REPS1: variants seen among roughly 807,000 people sequenced by gnomAD.
The protein encoded by REPS1 is RALBP1 associated Eps domain containing 1.
REPS1 carries 39 observed loss-of-function variants against 100.9 expected under a neutral mutation model. That is an observed-to-expected ratio of 0.39 (90% CI 0.30 to 0.50). REPS1 has a LOEUF of 0.50. Ranked by LOEUF, REPS1 falls within the 20% of genes least tolerant of loss-of-function variation. The pLI, the probability that REPS1 is intolerant of heterozygous loss-of-function variation, is 0.86. For missense variants in REPS1, 821 were observed against 968.5 expected, an observed-to-expected ratio of 0.85 and a Z score of 2.02; for synonymous variants, 324 against 340.3, an observed-to-expected ratio of 0.95 and a Z score of 0.53.
At chr6:138,920,409 C>A in intron 11 of REPS1, 93 bp from the exon 12 acceptor site, 3 of 536,340 alleles carry the variant, frequency 5.6e-6, no homozygotes, top group South Asian at 3.8e-5. Context: ...TTTAAATATC[C>A]AAAGAAGTGG....
chr6:138,965,965 CA>C (rs1244193745), intron 1 of REPS1, among the ~76,000 whole-genome samples: 2 of 152,118 alleles, frequency 1.3e-5, no homozygotes, highest in Non-Finnish European at 2.9e-5. Context: ...TCATTTTAAG[CA>C]CTTTATAGCT....
At position 138,908,725 on chromosome 6, in the gene REPS1, T is replaced by A; in HGVS notation, c.2159A>T (p.His720Leu). The part of the protein sequence containing the change: ...EDELRPEVDE[H>L]TQKTGVLAAV... Reference sequence around the variant, plus strand: ...AGCTAAGACACCCGTCTTTTGTGTATGTTCATCAACTTCTGGCCTTAATTC... The same window carrying A: ...AGCTAAGACACCCGTCTTTTGTGTAAGTTCATCAACTTCTGGCCTTAATTC... The change falls in exon 18 of 20, where the codon CAT becomes CTT. Residue 720 changes from histidine to leucine, a missense_variant. This residue lies in a region of REPS1 where 757 missense variants were observed against 866.4 expected (regional missense o/e 0.87). Transcript: ENST00000450536. 1 of 1,614,220 alleles carries A rather than the reference T, an allele frequency of 6.2e-7. No homozygotes were observed.
In REPS1 at chr6:138,918,836, T is replaced by C. The variant is rs76224597; in HGVS notation, c.1529-1209A>G. 1.4e-4 allele frequency among the ~76,000 whole-genome samples: 22 copies of C among 152,264 alleles called. No homozygotes were observed. The East Asian group carries it at 4.2e-3, about 29-fold the overall frequency. ...GCACAAGAGAATCCCAGAAATAGAC[T>C]AAGAGTTGTGACAGAAAAAAGAAAT... On this transcript the variant is annotated intron_variant, in intron 12 of 19. Coordinates refer to ENST00000450536, the MANE Select transcript of REPS1 (RefSeq NM_001286611.2).
intron 8 of REPS1, among the ~76,000 whole-genome samples, chr6:138,936,593 G>A (rs190486849): frequency 2.1e-5 from 3 of 141,996 alleles, no homozygotes; most frequent in Non-Finnish European, 3.1e-5. Context: ...GCAGGGTGGG[G>A]GGGGAGACAG....
At chr6:138,908,640 A>C (rs1190579385) in intron 18 of REPS1, 28 bp downstream of exon 18, 1 of 1,610,654 alleles carries the variant, frequency 6.2e-7, no homozygotes, top group African/African-American at 1.3e-5. Context: ...CCTAGTAATT[A>C]AATGTGTCTA....
intron 1 of REPS1, among the ~76,000 whole-genome samples, chr6:138,977,787 A>C (rs1784680801): frequency 6.6e-6 from 1 of 152,218 alleles, no homozygotes; most frequent in Admixed American, 6.5e-5. Context: ...GCTGGTTGCT[A>C]TGGCAAATTT....
rs201234978 is a variant in REPS1, at chr6:138,931,537, TC to T, written c.1136-1440del. Reference sequence around the variant, plus strand: ...AATTATACCACATTGCAAGTTCTAATCTGCAGTCCAGAATTGTATTCTGATT... The same window carrying T: ...AATTATACCACATTGCAAGTTCTAATTGCAGTCCAGAATTGTATTCTGATT... On this transcript the variant is annotated intron_variant, in intron 8 of 19. Coordinates refer to ENST00000450536, the MANE Select transcript of REPS1 (RefSeq NM_001286611.2). Among the ~76,000 whole-genome samples, 15 of 152,324 alleles carry T rather than the reference TC, an allele frequency of 9.8e-5. No homozygotes were observed. The East Asian group carries it at 2.5e-3, about 25-fold the overall frequency.
chr6:138,952,149 T>A (rs551732836), intron 1 of REPS1, among the ~76,000 whole-genome samples: 1 of 152,118 alleles, frequency 6.6e-6, no homozygotes, highest in Non-Finnish European at 1.5e-5. Flanking sequence ...GTTAAGGATA[T>A]AGAATTTAAA....
chr6:138,926,530 A>G (rs1781137367), intron 9 of REPS1, 49 bp from the exon 10 acceptor site: 2 of 1,292,016 alleles, frequency 1.5e-6, no homozygotes, highest in Non-Finnish European at 2.2e-6. Flanking sequence ...AAGATGGAGT[A>G]AAAGATCACT....
rs373157096 is a variant in REPS1, at chr6:138,932,767, G to A, written c.1136-2669C>T. Among the ~76,000 whole-genome samples, 7 of 152,266 alleles carry A rather than the reference G, an allele frequency of 4.6e-5. 1 individual carries two copies. The highest frequency in any genetic ancestry group is 7.2e-5 in the African/African-American group (3 of 41,552). On this transcript the variant is annotated intron_variant, in intron 8 of 19. Transcript: ENST00000450536. ...ATAATAATTCGGACTTGGGTATCGC[G>A]CGGGCATTTTTTCAAAAATGAACAA...
chr6:138,922,868 T>G (rs560431838), intron 10 of REPS1, among the ~76,000 whole-genome samples: 1 of 152,364 alleles, frequency 6.6e-6, no homozygotes, highest in African/African-American at 2.4e-5. Flanking sequence ...ACCAAGCCCT[T>G]GCTAGAGAAA....
At chr6:138,913,727 C>A (rs543363272) in intron 15 of REPS1, among the ~76,000 whole-genome samples, 1 of 152,204 alleles carries the variant, frequency 6.6e-6, no homozygotes, top group Non-Finnish European at 1.5e-5. Flanking sequence ...CATTTCTCAT[C>A]ACTCCACACA....
intron 15 of REPS1, among the ~76,000 whole-genome samples, 153 bp from the exon 16 acceptor site, chr6:138,913,103 T>C (rs922357326): frequency 6.6e-6 from 1 of 151,964 alleles, no homozygotes; most frequent in Non-Finnish European, 1.5e-5. Flanking sequence ...CATTTAGCTC[T>C]AAAGAAATGA....
chr6:138,926,305 T>C, intron 10 of REPS1, 96 bp downstream of exon 10: 1 of 875,376 alleles, frequency 1.1e-6, no homozygotes, highest in Non-Finnish European at 1.9e-6. Flanking sequence ...CTCTAAGCAC[T>C]CCACTGAATC....
At chr6:138,972,077 C>CA (rs1784375516) in intron 1 of REPS1, among the ~76,000 whole-genome samples, 1 of 152,172 alleles carries the variant, frequency 6.6e-6, no homozygotes, top group Non-Finnish European at 1.5e-5. Flanking sequence ...GGCATATACA[C>CA]ACCAAGCAAC....
chr6:138,985,483 A>G (rs1785206501), intron 1 of REPS1, among the ~76,000 whole-genome samples: 1 of 152,232 alleles, frequency 6.6e-6, no homozygotes, highest in African/African-American at 2.4e-5. Context: ...AAAGCAATGG[A>G]GGACTGTGTT....
chr6:138,943,458 C>A (rs1782397319), intron 7 of REPS1, 55 bp downstream of exon 7: 7 of 1,088,494 alleles, frequency 6.4e-6, no homozygotes, highest in Non-Finnish European at 4.2e-6. Context: ...AATCTATCTG[C>A]TAGAAACTCC....
chr6:138,964,408 A>C (rs1285603997), intron 1 of REPS1, among the ~76,000 whole-genome samples: 1 of 152,168 alleles, frequency 6.6e-6, no homozygotes, highest in East Asian at 1.9e-4. Flanking sequence ...CTTGAAAAAT[A>C]AGAAATATAT....
chr6:138,918,100 T>C (rs1453623113), intron 12 of REPS1, among the ~76,000 whole-genome samples: 1 of 151,838 alleles, frequency 6.6e-6, no homozygotes, highest in African/African-American at 2.4e-5. Context: ...TGTTTGTGTG[T>C]GTGTGTGTGC....
Sources: allele counts gnomAD v4.1 joint callset (sites outside exome capture counted in the v4.1 genomes callset), GRCh38; gene constraint gnomAD v4.1.1; regional missense constraint gnomAD v4.1.1; transcripts MANE v1.5; gene names NCBI Gene and HGNC (gene_info 2026-07-23, HGNC 2026-07-21).